Variants in PTPRM observed in about 807,000 individuals in gnomAD.
PTPRM encodes protein tyrosine phosphatase receptor type M.
A neutral mutation model predicts 186.7 loss-of-function variants in PTPRM; 47 were observed. The observed-to-expected ratio is 0.25, with a 90% confidence interval of 0.20 to 0.32. The LOEUF is 0.32. PTPRM is among the 10% of genes least tolerant of loss of function. The pLI, the probability that PTPRM is intolerant of heterozygous loss-of-function variation, is 1.00. For synonymous variants in PTPRM, 668 were observed against 674.9 expected, an observed-to-expected ratio of 0.99 and a Z score of 0.16; for missense variants, 1,494 against 1,865.0, an observed-to-expected ratio of 0.80 and a Z score of 3.66.
At chr18:8,027,335 G>C (rs544590546) in intron 7 of PTPRM, among the ~76,000 whole-genome samples, 1 of 152,226 alleles carries the variant, frequency 6.6e-6, no homozygotes, top group South Asian at 2.1e-4. Flanking sequence ...TTTTTACTTA[G>C]TGAGATGGCC....
chr18:8,335,760 G>T lies in PTPRM; in HGVS notation c.2957-7663G>T, dbSNP rs141079310. On this transcript the variant is annotated intron_variant, in intron 22 of 32. Transcript: ENST00000580170. ...AATATGGCCAGGCGTGGCAGCTCAC[G>T]CCTGTAATCCCAGCACTTTGGGAAG... Among the ~76,000 whole-genome samples, 1,354 of 152,244 alleles carry T rather than the reference G, an allele frequency of 8.9e-3. 6 individuals carry two copies. The highest frequency in any genetic ancestry group is 0.014 in the African/African-American group (595 of 41,556).
intron 23 of PTPRM, among the ~76,000 whole-genome samples, chr18:8,354,861 G>A (rs888692842): frequency 6.6e-6 from 1 of 152,212 alleles, no homozygotes; most frequent in African/African-American, 2.4e-5. Flanking sequence ...TTGGAGCAGC[G>A]AGTCACAGGA....
intron 1 of PTPRM, among the ~76,000 whole-genome samples, chr18:7,607,886 A>G (rs2037574192): frequency 6.6e-6 from 1 of 152,188 alleles, no homozygotes; most frequent in Non-Finnish European, 1.5e-5. Flanking sequence ...TTTAATCCCG[A>G]ATGGTGTAGG....
chr18:7,728,326 G>A (rs1422581651), intron 1 of PTPRM, among the ~76,000 whole-genome samples: 1 of 152,178 alleles, frequency 6.6e-6, no homozygotes, highest in Non-Finnish European at 1.5e-5. Context: ...ACATTGAAGG[G>A]TGAGGAGGGT....
chr18:8,403,352 A>T (rs757731498), intron 32 of PTPRM: 1 of 152,186 alleles, frequency 6.6e-6, no homozygotes, highest in Non-Finnish European at 1.5e-5. Flanking sequence ...TTTAGATGGA[A>T]ATAATAGACA....
At position 8,069,921 on chromosome 18, in the gene PTPRM, T is replaced by C. The variant is rs1760134922; in HGVS notation, c.1368T>C (p.Ser456=). 3 of 1,614,044 alleles carry C rather than the reference T, an allele frequency of 1.9e-6. No homozygotes were observed. The highest frequency in any genetic ancestry group is 2.2e-5 in the East Asian group (1 of 44,890). The part of the protein sequence containing the change: ...ITNLSPYTNV[S]VKLILMNPEG... ...ACCTGTCACCATACACCAATGTCAG[T>C]GTGAAACTGATCCTCATGAACCCAG... Residue 456 remains serine, a synonymous_variant, in exon 8 of 33, where the codon AGT becomes AGC. Transcript: ENST00000580170.
chr18:8,194,199 C>G (rs1489130550), intron 14 of PTPRM, among the ~76,000 whole-genome samples: 4 of 152,326 alleles, frequency 2.6e-5, no homozygotes, highest in African/African-American at 7.2e-5. Flanking sequence ...AATGCCATCT[C>G]CTCTTCTTAT....
In PTPRM at chr18:8,296,403, G is replaced by T. The variant is rs201698857; in HGVS notation, c.2790G>T (p.Ser930=). ...AAGGGCAGTCTGCACCATGGGACTCGGCTAAGAAAGATGAGAACAGAATGA... is the reference window on the plus strand; with the variant it reads ...AAGGGCAGTCTGCACCATGGGACTCTGCTAAGAAAGATGAGAACAGAATGA... The part of the protein sequence containing the change: ...FFEGQSAPWD[S]AKKDENRMKN... The change falls in exon 20 of 33, where the codon TCG becomes TCT. Residue 930 remains serine, a synonymous_variant. Transcript: ENST00000580170. 13 of 1,611,448 alleles carry T rather than the reference G, an allele frequency of 8.1e-6. No homozygotes were observed. The highest frequency in any genetic ancestry group is 1.0e-5 in the Non-Finnish European group (12 of 1,177,696).
intron 14 of PTPRM, among the ~76,000 whole-genome samples, chr18:8,163,723 T>C (rs2093272329): frequency 6.6e-6 from 1 of 152,250 alleles, no homozygotes; most frequent in Non-Finnish European, 1.5e-5. Flanking sequence ...AACAAGTTCA[T>C]AGTTTCAGTG....
chr18:7,783,559 T>TA (rs2042953744), intron 2 of PTPRM, among the ~76,000 whole-genome samples: 1 of 152,070 alleles, frequency 6.6e-6, no homozygotes, highest in African/African-American at 2.4e-5. Flanking sequence ...CCTCTCTTTT[T>TA]ATTATTATTT....
At chr18:7,717,483 C>T (rs1461014561) in intron 1 of PTPRM, among the ~76,000 whole-genome samples, 1 of 152,218 alleles carries the variant, frequency 6.6e-6, no homozygotes, top group Non-Finnish European at 1.5e-5. Context: ...CCCACAGTTA[C>T]CATGCTTCAG....
At chr18:7,822,655 T>C (rs1273676600) in intron 2 of PTPRM, among the ~76,000 whole-genome samples, 2 of 152,196 alleles carry the variant, frequency 1.3e-5, no homozygotes, top group Non-Finnish European at 2.9e-5. Context: ...CTCAAGTTGC[T>C]TTTGCTTTCA....
chr18:7,877,969 T>C (rs1355183986), intron 2 of PTPRM, among the ~76,000 whole-genome samples: 1 of 152,194 alleles, frequency 6.6e-6, no homozygotes, highest in Non-Finnish European at 1.5e-5. Context: ...ATGCTGTGTG[T>C]GATAAAATCC....
chr18:7,662,184 C>G (rs1343098394), intron 1 of PTPRM, among the ~76,000 whole-genome samples: 3 of 152,148 alleles, frequency 2.0e-5, no homozygotes, highest in African/African-American at 7.2e-5. Context: ...AATCTGTTCA[C>G]CTTGGCCTTC....
At chr18:7,901,724 G>C (rs1445985972) in intron 3 of PTPRM, among the ~76,000 whole-genome samples, 4 of 152,154 alleles carry the variant, frequency 2.6e-5, no homozygotes, top group Non-Finnish European at 5.9e-5. Context: ...ATCTCTCAAT[G>C]GTTGGGTGTT....
At chr18:7,989,747 T>C (rs1043586774) in intron 7 of PTPRM, among the ~76,000 whole-genome samples, 1 of 152,168 alleles carries the variant, frequency 6.6e-6, no homozygotes, top group Non-Finnish European at 1.5e-5. Flanking sequence ...GTTTCCAGAA[T>C]AGGAAAACCA....
chr18:7,744,089 GCTT>G (rs1447523059), intron 1 of PTPRM, among the ~76,000 whole-genome samples: 2 of 152,180 alleles, frequency 1.3e-5, no homozygotes, highest in Admixed American at 1.3e-4. Context: ...ACTCAGTAGA[GCTT>G]CTTAGAGAGG....
chr18:7,624,161 A>C (rs1038146436), intron 1 of PTPRM, among the ~76,000 whole-genome samples: 1 of 152,196 alleles, frequency 6.6e-6, no homozygotes, highest in Non-Finnish European at 1.5e-5. Context: ...GAGGCCATAC[A>C]ACTAACTATT....
intron 1 of PTPRM, among the ~76,000 whole-genome samples, chr18:7,571,691 A>G (rs2036570060): frequency 6.6e-6 from 1 of 152,224 alleles, no homozygotes; most frequent in African/African-American, 2.4e-5. Context: ...AAAATATTTT[A>G]AGGATGTTTG....
Sources: gnomAD v4.1 joint callset for allele counts (sites outside exome capture counted in the v4.1 genomes callset) on GRCh38, gnomAD v4.1.1 for gene constraint, MANE v1.5 for transcripts, NCBI Gene and HGNC (gene_info 2026-07-23, HGNC 2026-07-21) for gene names.